Variants in PCDHA7 observed in about 807,000 individuals in gnomAD.
PCDHA7 encodes protocadherin alpha 7, also known as protocadherin alpha-7.
Under a neutral mutation model 57.2 loss-of-function variants are expected in PCDHA7, and 37 were observed. The ratio of observed to expected loss-of-function variants is 0.65; its 90% CI spans 0.50 to 0.85. The LOEUF (loss-of-function observed/expected upper bound fraction) is 0.85. Ranked by LOEUF, PCDHA7 falls within the 40% of genes least tolerant of loss-of-function variation. The pLI, the probability that PCDHA7 is intolerant of heterozygous loss-of-function variation, is 0.00. For synonymous variants in PCDHA7, 553 were observed against 558.8 expected, an observed-to-expected ratio of 0.99 and a Z score of 0.15; for missense variants, 1,188 against 1,241.8, an observed-to-expected ratio of 0.96 and a Z score of 0.65.
rs2150394601 is a variant in PCDHA7 at position 140,846,768 on chromosome 5, A to T, written c.2355+10030A>T. On this transcript the variant is annotated intron_variant, in intron 1 of 3. Coordinates refer to ENST00000525929, the MANE Select transcript of PCDHA7 (RefSeq NM_018910.3). ...TACAGATCTCTAACAGCATATCATC[A>T]TGTCAGGAATTATTACTGAGCCCCA... Among the ~76,000 whole-genome samples, 10 of 149,454 alleles carry T rather than the reference A, an allele frequency of 6.7e-5. 1 individual carries two copies. The highest frequency in any genetic ancestry group is 2.2e-4 in the African/African-American group (9 of 40,730).
chr5:140,966,928 C>T (rs782034487), intron 1 of PCDHA7: 1 of 1,603,332 alleles, frequency 6.2e-7, no homozygotes, highest in South Asian at 1.1e-5. Context: ...AGCAGGCACC[C>T]GGCGCGCTCG....
intron 3 of PCDHA7, among the ~76,000 whole-genome samples, chr5:140,996,834 A>G (rs527764387): frequency 1.7e-4 from 26 of 152,374 alleles, no homozygotes; most frequent in Middle Eastern, 3.4e-3. Flanking sequence ...CCAATAATTT[A>G]GCGTGCATCT....
intron 1 of PCDHA7, chr5:140,847,946 T>C (rs1180480457): frequency 6.6e-6 from 1 of 151,812 alleles, no homozygotes; most frequent in Non-Finnish European, 1.5e-5. Context: ...CCTGGATTTC[T>C]CTTACACTAG....
In PCDHA7 at chr5:141,010,237, G is replaced by C; in HGVS notation, c.*300G>C. 2.6e-6 allele frequency: 4 copies of C among 1,551,914 alleles called. No individual in the cohort carries two copies. The highest frequency in any genetic ancestry group is 3.5e-6 in the Non-Finnish European group (4 of 1,147,042). On this transcript the variant is annotated 3_prime_UTR_variant, in exon 4 of 4. Coordinates refer to ENST00000525929, the MANE Select transcript of PCDHA7 (RefSeq NM_018910.3). ...AGAGGCTTCCCAGCCCCGCCAGTGA[G>C]AGGTTGGACTCTCTGCCCTGTGCTC...
intron 1 of PCDHA7, chr5:140,853,974 A>G: frequency 1.7e-6 from 1 of 605,490 alleles, no homozygotes; most frequent in Non-Finnish European, 2.1e-6. Flanking sequence ...GCAGTTTGAG[A>G]CCAATGTAGT....
chr5:140,926,793 G>T (rs2083556626), intron 1 of PCDHA7: 2 of 1,444,034 alleles, frequency 1.4e-6, no homozygotes, highest in Admixed American at 5.5e-5. Flanking sequence ...CGGCAGGAGC[G>T]TGCTCTTCCC....
intron 3 of PCDHA7, among the ~76,000 whole-genome samples, chr5:140,999,809 CAA>C (rs1350603380): frequency 1.3e-5 from 2 of 152,160 alleles, no homozygotes; most frequent in African/African-American, 2.4e-5. Flanking sequence ...GGGCACAAAG[CAA>C]GAGCTGTGGC....
intron 1 of PCDHA7, chr5:140,851,808 A>G (rs1231685115): frequency 1.1e-6 from 1 of 948,168 alleles, no homozygotes; most frequent in Non-Finnish European, 1.3e-6. Context: ...TCAGTAATCC[A>G]TAAGACAGAA....
At chr5:140,911,822 C>A (rs2075653935) in intron 1 of PCDHA7, among the ~76,000 whole-genome samples, 1 of 152,104 alleles carries the variant, frequency 6.6e-6, no homozygotes. Context: ...CTCCAGAAAC[C>A]CCAAAACCAA....
intron 1 of PCDHA7, among the ~76,000 whole-genome samples, chr5:140,939,358 A>C (rs1291026920): frequency 1.3e-5 from 2 of 152,172 alleles, no homozygotes; most frequent in Admixed American, 1.3e-4. Flanking sequence ...TTATGATTGC[A>C]AAGGAGGAGG....
At chr5:140,969,141 G>T in intron 1 of PCDHA7, 1 of 1,614,158 alleles carries the variant, frequency 6.2e-7, no homozygotes, top group Non-Finnish European at 8.5e-7. Context: ...AAGACCTACT[G>T]CTACAAGGCC....
chr5:140,940,265 C>T (rs782351194), intron 1 of PCDHA7, among the ~76,000 whole-genome samples: 1 of 152,116 alleles, frequency 6.6e-6, no homozygotes, highest in Non-Finnish European at 1.5e-5. Flanking sequence ...CTTCTGGGTT[C>T]CACTGTTGTC....
At chr5:140,872,023 C>G (rs1554166000) in intron 1 of PCDHA7, among the ~76,000 whole-genome samples, 1 of 152,226 alleles carries the variant, frequency 6.6e-6, no homozygotes, top group African/African-American at 2.4e-5. Flanking sequence ...TAGCCTGGAA[C>G]TGCTAAGCTC....
At chr5:140,883,288 A>G (rs781835023) in intron 1 of PCDHA7, 1 of 1,614,110 alleles carries the variant, frequency 6.2e-7, no homozygotes, top group Non-Finnish European at 8.5e-7. Context: ...TGGTGGAAGT[A>G]CTAGATGTAA....
At chr5:140,967,876 G>C (rs369514758) in intron 1 of PCDHA7, 1 of 1,614,144 alleles carries the variant, frequency 6.2e-7, no homozygotes, top group Non-Finnish European at 8.5e-7. Flanking sequence ...TCACGGACCT[G>C]TATAGCCCAG....
intron 1 of PCDHA7, among the ~76,000 whole-genome samples, chr5:140,838,702 G>A (rs1775843777): frequency 6.6e-6 from 1 of 152,008 alleles, no homozygotes; most frequent in South Asian, 2.1e-4. Context: ...TCGGGAGGCC[G>A]AGGCAGGAGG....
intron 1 of PCDHA7, among the ~76,000 whole-genome samples, chr5:140,881,717 G>A (rs374516377): frequency 2.6e-5 from 4 of 152,160 alleles, no homozygotes; most frequent in African/African-American, 9.7e-5. Flanking sequence ...GTGTGAGGAG[G>A]TCTTGAAAAA....
chr5:140,967,986 C>A, intron 1 of PCDHA7: 1 of 1,614,226 alleles, frequency 6.2e-7, no homozygotes, highest in Non-Finnish European at 8.5e-7. Flanking sequence ...CTGGAGGCCA[C>A]ACTGCCTTTC....
chr5:140,901,092 T>C (rs1374524038), intron 1 of PCDHA7, among the ~76,000 whole-genome samples: 5 of 152,228 alleles, frequency 3.3e-5, no homozygotes, highest in African/African-American at 1.2e-4. Context: ...TTGAGCTCCT[T>C]CTACATTCTG....
Sources: allele counts gnomAD v4.1 joint callset (sites outside exome capture counted in the v4.1 genomes callset), GRCh38; gene constraint gnomAD v4.1.1; transcripts MANE v1.5; gene names NCBI Gene and HGNC (gene_info 2026-07-23, HGNC 2026-07-21).